ABCB7: variants seen among roughly 807,000 people sequenced by gnomAD.
The protein encoded by ABCB7 is iron-sulfur clusters transporter ABCB7, mitochondrial.
ABCB7 carries 7 observed loss-of-function variants against 54.4 expected under a neutral mutation model. That is an observed-to-expected ratio of 0.13 (90% confidence interval 0.07 to 0.24). The LOEUF (loss-of-function observed/expected upper bound fraction) is 0.24, where lower values mean the gene tolerates loss of function less well. ABCB7 is among the 10% of genes least tolerant of loss of function. ABCB7 has a pLI of 1.00. For missense variants in ABCB7, 356 were observed against 570.4 expected (o/e 0.62, Z 3.83); for synonymous variants, 218 against 207.1 (o/e 1.05, Z -0.45).
Position 75,069,328 on chromosome X carries a change from C to T in ABCB7, c.1492G>A (p.Gly498Arg), listed in dbSNP as rs151288786. The change falls in exon 11 of 16, where the codon GGA (glycine) becomes AGA (arginine). Residue 498 changes from glycine to arginine, a missense_variant. Gly to Arg is a moderately radical substitution (Grantham distance 125). This residue lies in a region of ABCB7 where 241 missense variants were observed against 470.9 expected (regional missense o/e 0.51). Transcript: ENST00000373394. ...LSGISFEVPA[G>R]KKVAIVGGSG... Reference sequence around the variant, plus strand: ...CCTCCTACAATGGCCACTTTCTTTCCTGCAGGGACTTCAAAGGATATTCCA... The same window carrying T: ...CCTCCTACAATGGCCACTTTCTTTCTTGCAGGGACTTCAAAGGATATTCCA... 447 of 1,209,497 alleles carry T rather than the reference C, an allele frequency of 3.7e-4. 1 individual carries two copies. In the African/African-American group the frequency reaches 6.6e-3, roughly 18 times the overall value.
At chrX:75,073,989 A>G in intron 6 of ABCB7, 33 bp from the exon 7 acceptor site, 1 of 1,095,941 alleles carries the variant, frequency 9.1e-7, no homozygotes, top group South Asian at 1.9e-5. Context: ...GAAACGTGAA[A>G]CAGTTATTGT....
At position 75,060,371 on chromosome X, in the gene ABCB7, G is replaced by A. The variant is rs181336743; in HGVS notation, c.1936-41C>T. The A allele has an allele frequency of 3.1e-3, 3,085 of 982,834 alleles. 5 individuals are homozygous for A. Among genetic ancestry groups the A allele is most frequent in the Middle Eastern group, 8.6e-3 (33 of 3,843 alleles). 81.0% of individuals were successfully genotyped at this position (982,834 alleles called of 1,213,427 possible). A position where few individuals can be genotyped will look rare whatever the true frequency, so the allele number is the denominator to read the frequency against. On this transcript the variant is annotated intron_variant, in intron 14 of 15. Transcript: ENST00000373394. ...TATGAAGAACAGGAGAAAATAAAAA[G>A]AAGTACACATTAGGCAAATGTAAAT...
chrX:75,069,791 G>GT (rs1425685019), intron 10 of ABCB7, among the ~76,000 whole-genome samples: 1 of 111,371 alleles, frequency 9.0e-6, no homozygotes, highest in Non-Finnish European at 1.9e-5. Context: ...TAAATTCAGT[G>GT]TAAGTACAAA....
chrX:75,097,165 C>T (rs1298052256), intron 4 of ABCB7, among the ~76,000 whole-genome samples: 1 of 111,684 alleles, frequency 9.0e-6, no homozygotes, highest in Non-Finnish European at 1.9e-5. Context: ...TTCACATTTA[C>T]GAGCTCTAAT....
At chrX:75,134,823 C>T (rs1010328634) in intron 1 of ABCB7, among the ~76,000 whole-genome samples, 2 of 111,316 alleles carry the variant, frequency 1.8e-5, no homozygotes, top group East Asian at 2.8e-4. Flanking sequence ...ACACAACTAA[C>T]GCAGTGTTAT....
At chrX:75,063,499 T>A (rs1478252171) in intron 13 of ABCB7, among the ~76,000 whole-genome samples, 1 of 111,318 alleles carries the variant, frequency 9.0e-6, no homozygotes, top group Non-Finnish European at 1.9e-5. Context: ...TTTTTAATAT[T>A]AGTAAGTTTA....
At chrX:75,060,802 T>C (rs1292852220) in intron 14 of ABCB7, among the ~76,000 whole-genome samples, 1 of 111,763 alleles carries the variant, frequency 8.9e-6, no homozygotes, top group Non-Finnish European at 1.9e-5. Context: ...TCAAACTCAG[T>C]GGACAGAAGG....
chrX:75,077,659 AC>A (rs1311389578), intron 4 of ABCB7, among the ~76,000 whole-genome samples: 22 of 111,660 alleles, frequency 2.0e-4, no homozygotes, highest in African/African-American at 6.8e-4. Flanking sequence ...AAGCTATGTA[AC>A]TCTTATCAAG....
At chrX:75,138,868 C>T (rs752953672) in intron 1 of ABCB7, among the ~76,000 whole-genome samples, 16 of 109,469 alleles carry the variant, frequency 1.5e-4, no homozygotes, top group Non-Finnish European at 3.0e-4. Context: ...ATTAGCTGGG[C>T]GTGGTGGTAT....
At chrX:75,077,667 C>G (rs138343166) in intron 4 of ABCB7, among the ~76,000 whole-genome samples, 3,218 of 111,484 alleles carry the variant, frequency 0.029, 114 homozygotes, top group African/African-American at 0.1. Context: ...TAACTCTTAT[C>G]AAGATTCCAA....
At chrX:75,144,464 A>C (rs766825315) in intron 1 of ABCB7, among the ~76,000 whole-genome samples, 1 of 111,794 alleles carries the variant, frequency 8.9e-6, no homozygotes, top group African/African-American at 3.2e-5. Context: ...ATCAATAGGG[A>C]GCCTTTTTTC....
At chrX:75,071,060 G>C (rs2081360226) in intron 9 of ABCB7, among the ~76,000 whole-genome samples, 1 of 109,388 alleles carries the variant, frequency 9.1e-6, no homozygotes, top group African/African-American at 3.3e-5. Context: ...GGGTGGGGAG[G>C]GTTTCCAGAA....
At chrX:75,154,647 C>CT (rs1296916779) in intron 1 of ABCB7, among the ~76,000 whole-genome samples, 1 of 111,831 alleles carries the variant, frequency 8.9e-6, no homozygotes, top group East Asian at 2.8e-4. Context: ...GCGATTCCTT[C>CT]TTTAACTGGC....
chrX:75,138,280 G>T (rs989526458), intron 1 of ABCB7, among the ~76,000 whole-genome samples: 1 of 110,424 alleles, frequency 9.1e-6, no homozygotes, highest in African/African-American at 3.3e-5. Context: ...AAGAAAAAAA[G>T]TATGTATTAT....
chrX:75,135,745 T>C (rs2082004728), intron 1 of ABCB7, among the ~76,000 whole-genome samples: 1 of 111,570 alleles, frequency 9.0e-6, no homozygotes, highest in Non-Finnish European at 1.9e-5. Context: ...ATCATCTCAA[T>C]AAACACACAA....
intron 1 of ABCB7, among the ~76,000 whole-genome samples, chrX:75,150,691 G>C (rs1166056597): frequency 9.0e-6 from 1 of 111,373 alleles, no homozygotes; most frequent in Non-Finnish European, 1.9e-5. Context: ...ATCGTATACA[G>C]AATGGGCAAT....
At chrX:75,059,287 G>C (rs1363452929) in intron 15 of ABCB7, among the ~76,000 whole-genome samples, 2 of 110,136 alleles carry the variant, frequency 1.8e-5, no homozygotes, top group African/African-American at 6.6e-5. Context: ...AGACCAGCCT[G>C]GGCAACATGG....
chrX:75,075,042 GTGA>G (rs1202305247), intron 6 of ABCB7, among the ~76,000 whole-genome samples: 1 of 111,379 alleles, frequency 9.0e-6, no homozygotes, highest in Non-Finnish European at 1.9e-5. Flanking sequence ...GTTATGAATG[GTGA>G]TGAGAAACCT....
intron 1 of ABCB7, among the ~76,000 whole-genome samples, chrX:75,129,954 A>G (rs1246626524): frequency 1.8e-5 from 2 of 111,148 alleles, no homozygotes; most frequent in African/African-American, 6.5e-5. Flanking sequence ...AAGGTAGCTA[A>G]TACTATTATT....
Sources: allele counts gnomAD v4.1 joint callset (sites outside exome capture counted in the v4.1 genomes callset), GRCh38; gene constraint gnomAD v4.1.1; regional missense constraint gnomAD v4.1.1; transcripts MANE v1.5; gene names NCBI Gene and HGNC (gene_info 2026-07-23, HGNC 2026-07-21).